The following RIMS2 variants were observed in gnomAD, a reference collection of about 807,000 sequenced individuals.
RIMS2 encodes regulating synaptic membrane exocytosis protein 2.
Under a neutral mutation model 174.4 loss-of-function variants are expected in RIMS2, and 59 were observed. The observed-to-expected ratio is 0.34, with a 90% CI of 0.27 to 0.42. RIMS2 has a LOEUF of 0.42. Among genes scored for constraint, RIMS2 ranks in the 10% least tolerant of loss-of-function variants. The pLI is 1.00. For missense variants in RIMS2, 1,620 were observed against 1,666.3 expected (o/e 0.97, Z 0.48); for synonymous variants, 606 against 572.5 (o/e 1.06, Z -0.84).
intron 3 of RIMS2, among the ~76,000 whole-genome samples, chr8:103,859,154 T>A (rs1445218538): frequency 6.6e-6 from 1 of 152,114 alleles, no homozygotes; most frequent in Non-Finnish European, 1.5e-5. Flanking sequence ...TTGAAAAAAG[T>A]TCTGCCAGCA....
intron 19 of RIMS2, among the ~76,000 whole-genome samples, chr8:104,055,766 TAC>T (rs2096858147): frequency 6.6e-6 from 1 of 152,226 alleles, no homozygotes; most frequent in Non-Finnish European, 1.5e-5. Context: ...AAGATCCTTC[TAC>T]ATAAGAGCAG....
chr8:103,766,242 A>G (rs748501738), exon 3 of RIMS2: 1 of 1,612,108 alleles, frequency 6.2e-7, no homozygotes, highest in Middle Eastern at 1.7e-4. Flanking sequence ...GTGGGTATGT[A>G]ATTTGTGCCG....
intron 1 of RIMS2, among the ~76,000 whole-genome samples, chr8:103,562,750 CAG>C (rs1299328936): frequency 6.6e-6 from 1 of 152,224 alleles, no homozygotes; most frequent in East Asian, 1.9e-4. Context: ...ACTGCCCTAA[CAG>C]AGGTTTTCTA....
chr8:104,098,130 A>T (rs931930438), intron 19 of RIMS2, among the ~76,000 whole-genome samples: 1 of 152,214 alleles, frequency 6.6e-6, no homozygotes, highest in Admixed American at 6.5e-5. Context: ...AGTAGAAATG[A>T]ATAGCAAAAA....
At chr8:103,684,833 C>T (rs1280497406) in intron 1 of RIMS2, among the ~76,000 whole-genome samples, 1 of 151,962 alleles carries the variant, frequency 6.6e-6, no homozygotes, top group Admixed American at 6.6e-5. Context: ...GTGATCTGCC[C>T]ACCTTGGCCT....
intron 1 of RIMS2, among the ~76,000 whole-genome samples, chr8:103,584,619 T>A (rs553169464): frequency 6.6e-6 from 1 of 152,326 alleles, no homozygotes; most frequent in East Asian, 1.9e-4. Flanking sequence ...TTTTAATAGT[T>A]TGCTCTTTGC....
intron 19 of RIMS2, among the ~76,000 whole-genome samples, chr8:104,017,381 T>A (rs1336531987): frequency 1.3e-5 from 2 of 151,956 alleles, no homozygotes; most frequent in Non-Finnish European, 2.9e-5. Flanking sequence ...AATTTAACTC[T>A]TTATGATTTT....
intron 1 of RIMS2, among the ~76,000 whole-genome samples, chr8:103,692,465 G>A (rs2097041589): frequency 6.6e-6 from 1 of 152,198 alleles, no homozygotes; most frequent in African/African-American, 2.4e-5. Context: ...CACAAGCAGT[G>A]AAGTCTCTTC....
At chr8:103,659,239 A>C (rs1276860163) in intron 1 of RIMS2, among the ~76,000 whole-genome samples, 1 of 152,098 alleles carries the variant, frequency 6.6e-6, no homozygotes, top group East Asian at 1.9e-4. Context: ...GAAGAGGAGC[A>C]AGACTCTGGC....
chr8:104,241,855 G>A (rs189456051), intron 19 of RIMS2, among the ~76,000 whole-genome samples: 326 of 152,254 alleles, frequency 2.1e-3, no homozygotes, highest in Admixed American at 4.6e-3. Context: ...TGCCTCCTGA[G>A]TTCAAGTGAT....
intron 19 of RIMS2, among the ~76,000 whole-genome samples, chr8:104,017,907 C>T (rs536073868): frequency 2.7e-4 from 41 of 152,006 alleles, no homozygotes; most frequent in Non-Finnish European, 5.2e-4. Flanking sequence ...GAAACCCCAT[C>T]GCTATAAAAA....
Position 104,177,609 on chromosome 8 carries a change from A to G in RIMS2, c.3335-67307A>G, listed in dbSNP as rs192428570. On this transcript the variant is annotated intron_variant, in intron 19 of 23. Coordinates refer to ENST00000504942, the Ensembl canonical transcript of RIMS2. ...AATCGATCACATAGGCAAAGAAGGA[A>G]TAATCACATATTGGATTCCTAGATA... Among the ~76,000 whole-genome samples, 288 of 152,312 alleles carry G rather than the reference A, an allele frequency of 1.9e-3. 2 individuals are homozygous for G. The highest frequency in any genetic ancestry group is 6.4e-3 in the African/African-American group (266 of 41,578).
chr8:103,722,470 G>T (rs577647994), intron 2 of RIMS2, among the ~76,000 whole-genome samples: 5 of 152,012 alleles, frequency 3.3e-5, no homozygotes, highest in Non-Finnish European at 7.4e-5. Context: ...ATCATCAGGC[G>T]TTAGATTCTT....
rs572806896 is a variant in RIMS2 at position 104,204,644 on chromosome 8, C to CA, written c.3335-40263dup. Among the ~76,000 whole-genome samples, 89 of 151,006 alleles carry CA rather than the reference C, an allele frequency of 5.9e-4. 1 individual carries two copies. The South Asian group carries it at 0.016, about 27-fold the overall frequency. ...AGAGCACCTGATTTAAAAACAAAAA[C>CA]AAAAAAAAATTACTTGACATTTTTA... On this transcript the variant is annotated intron_variant, in intron 19 of 23. Transcript: ENST00000504942.
chr8:103,678,072 A>G (rs1046672843), intron 1 of RIMS2, among the ~76,000 whole-genome samples: 5 of 152,182 alleles, frequency 3.3e-5, no homozygotes, highest in African/African-American at 1.2e-4. Flanking sequence ...CAAACTTATA[A>G]GGAGCCAGCT....
intron 19 of RIMS2, among the ~76,000 whole-genome samples, chr8:104,123,797 T>G (rs1426084565): frequency 6.6e-6 from 1 of 152,066 alleles, no homozygotes; most frequent in Non-Finnish European, 1.5e-5. Context: ...TTACTTCAAA[T>G]CTTGTAGGAA....
intron 19 of RIMS2, among the ~76,000 whole-genome samples, chr8:104,231,353 G>GT (rs375402800): frequency 2.1e-3 from 314 of 146,846 alleles, no homozygotes; most frequent in African/African-American, 4.2e-3. Context: ...AATATGAGGT[G>GT]TTTTCTTTTT....
chr8:103,769,369 A>G (rs1302545246), intron 3 of RIMS2, among the ~76,000 whole-genome samples: 1 of 152,034 alleles, frequency 6.6e-6, no homozygotes, highest in African/African-American at 2.4e-5. Flanking sequence ...TTTTGCTCAG[A>G]CTGGAGTGCA....
At chr8:103,585,987 A>T (rs947948924) in intron 1 of RIMS2, among the ~76,000 whole-genome samples, 1 of 152,146 alleles carries the variant, frequency 6.6e-6, no homozygotes, top group Non-Finnish European at 1.5e-5. Context: ...TAAAATGATA[A>T]AACAAGACAA....
Sources: allele counts gnomAD v4.1 joint callset (sites outside exome capture counted in the v4.1 genomes callset), GRCh38; gene constraint gnomAD v4.1.1; transcripts MANE v1.5; gene names NCBI Gene and HGNC (gene_info 2026-07-23, HGNC 2026-07-21).